Variants in CNOT6L observed in about 807,000 individuals in gnomAD.
CNOT6L encodes the protein CCR4-NOT transcription complex subunit 6-like.
A neutral mutation model predicts 64.0 loss-of-function variants in CNOT6L; 7 were observed. That is an observed-to-expected ratio of 0.11 (90% CI 0.06 to 0.21). The LOEUF is 0.21. Ranked by LOEUF, CNOT6L falls within the 10% of genes least tolerant of loss-of-function variation. The pLI is 1.00. For synonymous variants in CNOT6L, 193 were observed against 243.4 expected, an observed-to-expected ratio of 0.79 and a Z score of 1.93; for missense variants, 245 against 669.0, an observed-to-expected ratio of 0.37 and a Z score of 6.99.
intron 1 of CNOT6L, among the ~76,000 whole-genome samples, chr4:77,780,799 T>C (rs768879001): frequency 1.3e-5 from 2 of 152,214 alleles, no homozygotes; most frequent in Admixed American, 6.5e-5. Context: ...ACTGACTTCA[T>C]AGGAAACGTA....
chr4:77,747,022 T>G (rs567966342), intron 6 of CNOT6L, among the ~76,000 whole-genome samples: 1 of 151,104 alleles, frequency 6.6e-6, no homozygotes, highest in Admixed American at 6.6e-5. Flanking sequence ...AGGCTATATA[T>G]CCCACATTTC....
intron 5 of CNOT6L, among the ~76,000 whole-genome samples, chr4:77,753,786 A>G (rs1725132302): frequency 6.6e-6 from 1 of 152,022 alleles, no homozygotes; most frequent in African/African-American, 2.4e-5. Flanking sequence ...AGGAATACCA[A>G]AGGTGGTATA....
Position 77,718,333 on chromosome 4 carries a change from T to C in CNOT6L, c.*2098A>G, listed in dbSNP as rs1295925775. The C allele has an allele frequency of 3.3e-5, 5 of 152,514 alleles. No homozygotes were observed. Among genetic ancestry groups the C allele is most frequent in the Non-Finnish European group, 7.4e-5 (5 of 68,026 alleles). 9.4% of individuals were successfully genotyped at this position (152,514 alleles called of 1,614,324 possible). A position where few individuals can be genotyped will look rare whatever the true frequency, so the allele number is the denominator to read the frequency against. On this transcript the variant is annotated 3_prime_UTR_variant, in exon 12 of 12. Transcript: ENST00000504123. ...AGTAGCTGATTACAAAAAAAGGTAA[T>C]GTCCACAAAATTAAGTTTTTCATGC...
intron 9 of CNOT6L, 77 bp downstream of exon 9, chr4:77,731,310 T>C: frequency 7.0e-7 from 1 of 1,425,398 alleles, no homozygotes; most frequent in Non-Finnish European, 9.7e-7. Flanking sequence ...AACGGCAAAA[T>C]TCTCTTCACT....
At chr4:77,744,167 C>A (rs979462312) in intron 7 of CNOT6L, among the ~76,000 whole-genome samples, 2 of 152,052 alleles carry the variant, frequency 1.3e-5, no homozygotes, top group Non-Finnish European at 2.9e-5. Context: ...TTTGAAGCAA[C>A]AGAACACATT....
At chr4:77,803,870 T>C (rs1578004656) in intron 1 of CNOT6L, among the ~76,000 whole-genome samples, 1 of 150,730 alleles carries the variant, frequency 6.6e-6, no homozygotes, top group African/African-American at 2.4e-5. Context: ...GCTATTGCAC[T>C]CCAGCCTGTC....
rs115839632 is a variant in CNOT6L, at chr4:77,793,114, C to T, written c.6-16722G>A. The stretch of plus-strand genomic sequence containing the variant: ...TAAGCATGAGTCCAGAGTATAGTAT[C>T]CATTGAAAAAAGCATTTAGAAAATC... On this transcript the variant is annotated intron_variant, in intron 1 of 11. Transcript: ENST00000504123. 3.6e-3 allele frequency among the ~76,000 whole-genome samples: 550 copies of T among 151,740 alleles called. 6 individuals are homozygous for T. Among genetic ancestry groups the T allele is most frequent in the African/African-American group, 0.013 (534 of 41,326 alleles).
upstream of CNOT6L, among the ~76,000 whole-genome samples, chr4:77,819,812 G>A (rs1734092574): frequency 6.6e-6 from 1 of 151,418 alleles, no homozygotes; most frequent in Non-Finnish European, 1.5e-5. Flanking sequence ...AGGCGGCGGC[G>A]CGGAAGGCGG....
chr4:77,731,604 A>T, intron 8 of CNOT6L, 66 bp from the exon 9 acceptor site: 1 of 1,193,532 alleles, frequency 8.4e-7, no homozygotes, highest in East Asian at 2.5e-5. Context: ...TAAATGAAAG[A>T]AACATGACAT....
intron 7 of CNOT6L, among the ~76,000 whole-genome samples, chr4:77,743,586 CTTTTTTTTTTTTTTTTTT>C (rs142888128): frequency 4.2e-5 from 3 of 70,870 alleles, no homozygotes; most frequent in African/African-American, 2.1e-4. Context: ...TAACACACAA[CTTTTTTTTTTTTTTTTTT>C]TTTTTTTTTT....
chr4:77,788,466 G>A lies in CNOT6L; in HGVS notation c.6-12074C>T, dbSNP rs532954244. On this transcript the variant is annotated intron_variant, in intron 1 of 11. Transcript: ENST00000504123. ...AATTCGGCCAGGCACCATGGCTCACGCCTGTAATCCCAGCACTTTGGGAAG... is the reference window on the plus strand; with the variant it reads ...AATTCGGCCAGGCACCATGGCTCACACCTGTAATCCCAGCACTTTGGGAAG... Among the ~76,000 whole-genome samples the A allele has an allele frequency of 9.2e-5, 14 of 152,246 alleles. 1 individual carries two copies. The South Asian group carries it at 1.9e-3, about 20-fold the overall frequency.
rs543005052 is a variant in CNOT6L at position 77,783,761 on chromosome 4, T to C, written c.6-7369A>G. On this transcript the variant is annotated intron_variant, in intron 1 of 11. Transcript: ENST00000504123. ...AACTGGTTTCCTAAATCAGTGATAA[T>C]ATTCTTTTCTACAATCCTTGCTAGC... Among the ~76,000 whole-genome samples the C allele has an allele frequency of 3.9e-5, 6 of 152,140 alleles. No homozygotes were observed. In the South Asian group the frequency reaches 1.2e-3, roughly 31 times the overall value.
intron 5 of CNOT6L, among the ~76,000 whole-genome samples, chr4:77,754,890 A>AAAAAAAAAAC (rs1560590633): frequency 9.7e-6 from 1 of 103,360 alleles, no homozygotes; most frequent in African/African-American, 4.0e-5. Flanking sequence ...ATTAGAAGTA[A>AAAAAAAAAAC]AAAAAAAAAA....
chr4:77,819,872 C>G (rs1460905008), upstream of CNOT6L, among the ~76,000 whole-genome samples: 4 of 151,484 alleles, frequency 2.6e-5, no homozygotes, highest in African/African-American at 7.3e-5. Flanking sequence ...GGACGAGGGC[C>G]GCGCCGCCGG....
chr4:77,767,236 A>G (rs1404916049), intron 4 of CNOT6L, among the ~76,000 whole-genome samples: 1 of 152,144 alleles, frequency 6.6e-6, no homozygotes, highest in Non-Finnish European at 1.5e-5. Flanking sequence ...CAAATTCATG[A>G]ATAGGATGAT....
rs763896530 is a variant in CNOT6L at position 77,726,335 on chromosome 4, A to T, written c.1287T>A (p.Ala429=). 4.2e-5 allele frequency: 67 copies of T among 1,613,470 alleles called. No individual in the cohort carries two copies. Among genetic ancestry groups the T allele is most frequent in the Non-Finnish European group, 5.3e-5 (63 of 1,179,620 alleles). The part of the protein sequence containing the change: ...VVEYLSNGGV[A]DNHKDFKELR... ...GTTCCTTGAAGTCTTTATGGTTGTC[A>T]GCTACTCCTCCATTGCTTAAGTATT... Residue 429 remains alanine, a synonymous_variant, in exon 11 of 12, where the codon GCT becomes GCA. Transcript: ENST00000504123.
chr4:77,786,815 G>A (rs1181810221), intron 1 of CNOT6L, among the ~76,000 whole-genome samples: 1 of 151,814 alleles, frequency 6.6e-6, no homozygotes, highest in East Asian at 1.9e-4. Context: ...GAGGAGAGAG[G>A]CTGTTCACAG....
At chr4:77,744,986 A>C in intron 6 of CNOT6L, 111 bp from the exon 7 acceptor site, 2 of 724,248 alleles carry the variant, frequency 2.8e-6, no homozygotes, top group Non-Finnish European at 4.1e-6. Context: ...GCCACATATC[A>C]TCATTGTAAA....
At chr4:77,800,388 G>A (rs1363670718) in intron 1 of CNOT6L, among the ~76,000 whole-genome samples, 2 of 151,798 alleles carry the variant, frequency 1.3e-5, no homozygotes, top group African/African-American at 2.4e-5. Flanking sequence ...GCATGTGACT[G>A]TGAGTGAGCA....
Sources: allele counts gnomAD v4.1 joint callset (sites outside exome capture counted in the v4.1 genomes callset), GRCh38; gene constraint gnomAD v4.1.1; transcripts MANE v1.5; gene names NCBI Gene and HGNC (gene_info 2026-07-23, HGNC 2026-07-21).